BRINP3: variants seen among roughly 807,000 people sequenced by gnomAD.
The protein encoded by BRINP3 is BMP/retinoic acid inducible neural specific 3.
A neutral mutation model predicts 71.0 loss-of-function variants in BRINP3; 19 were observed. The observed-to-expected ratio is 0.27, with a 90% confidence interval of 0.19 to 0.39. BRINP3 has a LOEUF of 0.39. BRINP3 is among the 10% of genes least tolerant of loss of function. The probability of loss-of-function intolerance (pLI) is 1.00; values close to 1 mark genes in which losing one functional copy is unlikely to be tolerated. For synonymous variants in BRINP3, 380 were observed against 337.7 expected, an observed-to-expected ratio of 1.13 and a Z score of -1.37; for missense variants, 959 against 940.8, an observed-to-expected ratio of 1.02 and a Z score of -0.25.
At chr1:190,147,916 A>T (rs1007123916) in intron 7 of BRINP3, among the ~76,000 whole-genome samples, 1 of 152,310 alleles carries the variant, frequency 6.6e-6, no homozygotes. Context: ...TGGATGTATG[A>T]TAGACAAATG....
intron 1 of BRINP3, among the ~76,000 whole-genome samples, chr1:190,462,457 G>A (rs959698468): frequency 6.6e-6 from 1 of 152,018 alleles, no homozygotes; most frequent in Non-Finnish European, 1.5e-5. Context: ...GGAGCACAAT[G>A]AGAATTTAAA....
chr1:190,377,038 T>C (rs921494857), intron 2 of BRINP3, among the ~76,000 whole-genome samples: 1 of 151,992 alleles, frequency 6.6e-6, no homozygotes, highest in Non-Finnish European at 1.5e-5. Context: ...CTAGAACAAA[T>C]AAGAAAATTT....
intron 2 of BRINP3, among the ~76,000 whole-genome samples, chr1:190,369,157 G>T (rs1669697150): frequency 6.6e-6 from 1 of 151,986 alleles, no homozygotes; most frequent in African/African-American, 2.4e-5. Flanking sequence ...AATAAAGAAG[G>T]TATATATATC....
intron 6 of BRINP3, among the ~76,000 whole-genome samples, chr1:190,185,673 T>G (rs1002766438): frequency 2.0e-5 from 3 of 152,140 alleles, no homozygotes; most frequent in Non-Finnish European, 2.9e-5. Flanking sequence ...CTATCTTGAA[T>G]GTATATAATG....
intron 6 of BRINP3, among the ~76,000 whole-genome samples, chr1:190,200,871 C>T (rs1443243434): frequency 2.0e-5 from 3 of 152,074 alleles, no homozygotes; most frequent in Non-Finnish European, 4.4e-5. Context: ...CCTCCCAACC[C>T]AGGTGGACTT....
chr1:190,224,773 C>A (rs2102697020), intron 6 of BRINP3, among the ~76,000 whole-genome samples: 1 of 151,950 alleles, frequency 6.6e-6, no homozygotes, highest in East Asian at 1.9e-4. Context: ...GGAGCTCAAA[C>A]AACTAAATAA....
intron 4 of BRINP3, among the ~76,000 whole-genome samples, 196 bp downstream of exon 4, chr1:190,264,669 T>C (rs1407308406): frequency 2.6e-5 from 4 of 152,130 alleles, no homozygotes; most frequent in Non-Finnish European, 5.9e-5. Flanking sequence ...GACCTACTTA[T>C]CAAGTAAATA....
At chr1:190,271,886 C>T (rs555015554) in intron 3 of BRINP3, among the ~76,000 whole-genome samples, 29 of 151,528 alleles carry the variant, frequency 1.9e-4, no homozygotes, top group Non-Finnish European at 3.8e-4. Context: ...TTTAGGAATA[C>T]TTCGCACATG....
chr1:190,355,144 CAGAT>C lies in BRINP3; in HGVS notation c.237-73398_237-73395del, dbSNP rs1308169056. On this transcript the variant is annotated intron_variant, in intron 2 of 7. Transcript: ENST00000367462. ...ATAGAAACAATATATACTTAATAAACAGATAGTATTAAGTTTTGTAGCATTTCTA... is the reference window on the plus strand; with the variant it reads ...ATAGAAACAATATATACTTAATAAACAGTATTAAGTTTTGTAGCATTTCTA... 3.3e-5 allele frequency among the ~76,000 whole-genome samples: 5 copies of C among 151,922 alleles called. No individual in the cohort carries two copies. In the East Asian group the frequency reaches 9.7e-4, roughly 29 times the overall value.
intron 2 of BRINP3, among the ~76,000 whole-genome samples, chr1:190,418,535 T>C (rs987784842): frequency 1.3e-5 from 2 of 152,172 alleles, no homozygotes; most frequent in African/African-American, 2.4e-5. Context: ...GAACACATCG[T>C]AGATATTCTA....
chr1:190,185,307 C>G (rs1015239535), intron 6 of BRINP3, among the ~76,000 whole-genome samples: 1 of 151,954 alleles, frequency 6.6e-6, no homozygotes, highest in Non-Finnish European at 1.5e-5. Flanking sequence ...ATAGATATTT[C>G]TCCAAAGAAG....
At chr1:190,205,655 A>G (rs1655431077) in intron 6 of BRINP3, among the ~76,000 whole-genome samples, 1 of 152,074 alleles carries the variant, frequency 6.6e-6, no homozygotes, top group African/African-American at 2.4e-5. Context: ...AAAATTTCAG[A>G]TTCATGTTTA....
At chr1:190,204,999 A>T (rs115138616) in intron 6 of BRINP3, among the ~76,000 whole-genome samples, 3 of 152,128 alleles carry the variant, frequency 2.0e-5, no homozygotes, top group African/African-American at 4.8e-5. Context: ...GCAAAAAAAA[A>T]AAAAAATCAG....
intron 2 of BRINP3, among the ~76,000 whole-genome samples, chr1:190,322,049 C>T (rs887069957): frequency 1.9e-4 from 28 of 151,098 alleles, no homozygotes; most frequent in African/African-American, 6.3e-4. Flanking sequence ...TATATGTGTG[C>T]ATATATATAT....
At chr1:190,203,951 G>T (rs1275600710) in intron 6 of BRINP3, among the ~76,000 whole-genome samples, 5 of 150,606 alleles carry the variant, frequency 3.3e-5, no homozygotes, top group Admixed American at 6.6e-5. Context: ...CATATATATT[G>T]TAGATTGGAA....
At chr1:190,141,043 T>C (rs1284376388) in intron 7 of BRINP3, among the ~76,000 whole-genome samples, 2 of 152,198 alleles carry the variant, frequency 1.3e-5, no homozygotes, top group Non-Finnish European at 2.9e-5. Flanking sequence ...AATTATACAC[T>C]GACTCTCCTA....
At position 190,359,907 on chromosome 1, in the gene BRINP3, C is replaced by CTAAA. The variant is rs1669019889; in HGVS notation, c.237-78161_237-78158dup. Among the ~76,000 whole-genome samples the CTAAA allele has an allele frequency of 2.0e-5, 3 of 152,158 alleles. No homozygotes were observed. The South Asian group carries it at 6.2e-4, about 32-fold the overall frequency. ...TGTATCCCTCTAACAGAATACTGGG[C>CTAAA]TAAACTCTTTTCACCTCCTAATATA... On this transcript the variant is annotated intron_variant, in intron 2 of 7. Coordinates refer to ENST00000367462, the MANE Select transcript of BRINP3 (RefSeq NM_199051.3).
chr1:190,445,177 CA>C (rs943168773), intron 2 of BRINP3, among the ~76,000 whole-genome samples: 1 of 151,498 alleles, frequency 6.6e-6, no homozygotes, highest in South Asian at 2.1e-4. Context: ...TTCAAAAAAC[CA>C]AAAAACTTGC....
intron 2 of BRINP3, among the ~76,000 whole-genome samples, chr1:190,321,544 T>C (rs1666246036): frequency 6.6e-6 from 1 of 152,134 alleles, no homozygotes; most frequent in South Asian, 2.1e-4. Context: ...AAATGTTTTA[T>C]TAAGTAATAA....
Sources: allele counts gnomAD v4.1 joint callset (sites outside exome capture counted in the v4.1 genomes callset), GRCh38; gene constraint gnomAD v4.1.1; transcripts MANE v1.5; gene names NCBI Gene and HGNC (gene_info 2026-07-23, HGNC 2026-07-21).